MAD1L1: variants seen among roughly 807,000 people sequenced by gnomAD.
MAD1L1 encodes the protein mitotic spindle assembly checkpoint protein MAD1.
MAD1L1 carries 95 observed loss-of-function variants against 96.9 expected under a neutral mutation model. The observed-to-expected ratio is 0.98, with a 90% CI of 0.83 to 1.16. The LOEUF (loss-of-function observed/expected upper bound fraction) is 1.16, where lower values mean the gene tolerates loss of function less well. Ranked by LOEUF, MAD1L1 falls within the 50% of genes most tolerant of loss-of-function variation. MAD1L1 has a pLI of 0.00. For missense variants in MAD1L1, 1,007 were observed against 954.4 expected (o/e 1.06, Z -0.73); for synonymous variants, 473 against 396.6 (o/e 1.19, Z -2.29).
intron 18 of MAD1L1, among the ~76,000 whole-genome samples, chr7:1,875,379 C>T (rs1234574942): frequency 6.6e-6 from 1 of 152,220 alleles, no homozygotes. Context: ...TCGCCCTCCT[C>T]GACCCCAGAT....
chr7:1,848,318 G>A (rs574573679), intron 18 of MAD1L1: 1 of 161,228 alleles, frequency 6.2e-6, no homozygotes, highest in South Asian at 1.8e-4. Context: ...ACAGAAGTGT[G>A]GGTGGGCTGT....
chr7:1,920,982 AGAC>A lies in MAD1L1; in HGVS notation c.1807+15702_1807+15704del, dbSNP rs138554281. Among the ~76,000 whole-genome samples the A allele has an allele frequency of 2.5e-3, 375 of 152,356 alleles. 6 individuals carry two copies. In the East Asian group the frequency reaches 0.057, roughly 23 times the overall value. On this transcript the variant is annotated intron_variant, in intron 17 of 18. Coordinates refer to ENST00000265854, the MANE Select transcript of MAD1L1 (RefSeq NM_001013836.2). ...TGCAAAGCTCGGCTCTGAGCCCTGG[AGAC>A]GACGAGACAGGCAACCCAAAGAGAG...
At chr7:2,137,300 T>C (rs1489461883) in intron 11 of MAD1L1, among the ~76,000 whole-genome samples, 2 of 152,240 alleles carry the variant, frequency 1.3e-5, no homozygotes, top group Admixed American at 6.5e-5. Context: ...TACATTCTAC[T>C]ACCACCTTTT....
At chr7:1,822,285 G>A (rs1373419070) in intron 18 of MAD1L1, among the ~76,000 whole-genome samples, 2 of 151,820 alleles carry the variant, frequency 1.3e-5, no homozygotes, top group Non-Finnish European at 2.9e-5. Flanking sequence ...CAGAAAGTTA[G>A]GAAATACTGA....
intron 18 of MAD1L1, among the ~76,000 whole-genome samples, chr7:1,856,132 G>A (rs1409265573): frequency 2.0e-5 from 3 of 152,176 alleles, no homozygotes; most frequent in Non-Finnish European, 4.4e-5. Flanking sequence ...ATGGATTTTA[G>A]AGGGACACAG....
chr7:1,858,730 G>A (rs985538270), intron 18 of MAD1L1, among the ~76,000 whole-genome samples: 2 of 152,254 alleles, frequency 1.3e-5, no homozygotes, highest in Non-Finnish European at 2.9e-5. Context: ...AGGCCCACAG[G>A]AAAGCCACAG....
At chr7:2,010,075 T>G (rs988079576) in intron 13 of MAD1L1, among the ~76,000 whole-genome samples, 12 of 146,868 alleles carry the variant, frequency 8.2e-5, no homozygotes, top group African/African-American at 3.0e-4. Context: ...AACAGGTTTT[T>G]TTTTTTTTTT....
intron 10 of MAD1L1, among the ~76,000 whole-genome samples, chr7:2,187,625 A>G (rs1290007191): frequency 6.6e-6 from 1 of 152,224 alleles, no homozygotes; most frequent in Non-Finnish European, 1.5e-5. Context: ...TACTGGGCCC[A>G]GTTAAAATAT....
At chr7:2,231,462 C>A (rs1296455782) in intron 1 of MAD1L1, among the ~76,000 whole-genome samples, 1 of 151,948 alleles carries the variant, frequency 6.6e-6, no homozygotes, top group African/African-American at 2.4e-5. Flanking sequence ...TCTACTAAAG[C>A]CAGATGTGGT....
In MAD1L1 at chr7:1,885,803, T is replaced by C. The variant is rs748196145; in HGVS notation, c.1998+12397A>G. Among the ~76,000 whole-genome samples, 30 of 152,168 alleles carry C rather than the reference T, an allele frequency of 2.0e-4. 1 individual carries two copies. Among genetic ancestry groups the C allele is most frequent in the Middle Eastern group, 3.4e-3 (1 of 294 alleles). ...CTGTCTCGGCCCTTCCAGTCCTGTC[T>C]CTCTCCCTCCAGCCTGGCCCCTAGG... On this transcript the variant is annotated intron_variant, in intron 18 of 18. Transcript: ENST00000265854.
At chr7:2,129,850 C>T (rs1166250400) in intron 11 of MAD1L1, among the ~76,000 whole-genome samples, 2 of 152,238 alleles carry the variant, frequency 1.3e-5, no homozygotes, top group South Asian at 2.1e-4. Flanking sequence ...CCACCACCGT[C>T]GGAGGGGCAC....
At chr7:2,115,574 C>T (rs909052146) in intron 11 of MAD1L1, among the ~76,000 whole-genome samples, 3 of 149,600 alleles carry the variant, frequency 2.0e-5, no homozygotes, top group Non-Finnish European at 3.0e-5. Context: ...CCGTGTGTTC[C>T]GGGATCAGAG....
chr7:2,066,948 G>A (rs571766865), intron 12 of MAD1L1, among the ~76,000 whole-genome samples: 3 of 152,350 alleles, frequency 2.0e-5, no homozygotes, highest in South Asian at 2.1e-4. Flanking sequence ...GGTTCCCAAG[G>A]GATGAGCCTC....
At chr7:1,866,509 A>C (rs1351033799) in intron 18 of MAD1L1, among the ~76,000 whole-genome samples, 1 of 152,190 alleles carries the variant, frequency 6.6e-6, no homozygotes, top group Non-Finnish European at 1.5e-5. Flanking sequence ...TCTCTGGGGC[A>C]GAGACACGAG....
In MAD1L1 at chr7:2,103,530, T is replaced by G. The variant is rs4721405; in HGVS notation, c.1074-34192A>C. ...CGGGGCTCTCGACCACCGTGCTCTT[T>G]GTTGGGCGGGGCAACCGCAGATGGG... is the stretch of plus-strand genomic sequence containing the variant. On this transcript the variant is annotated intron_variant, in intron 11 of 18. Transcript: ENST00000265854. The surrounding 1 kb of genome is among the most constrained non-coding windows in gnomAD (Gnocchi z 4.3). Among the ~76,000 whole-genome samples the G allele has an allele frequency of 0.59, 89,907 of 152,008 alleles. 28,204 individuals carry two copies. Among genetic ancestry groups the G allele is most frequent in the East Asian group, 0.77 (3,958 of 5,136 alleles).
At chr7:2,073,758 T>C (rs1317305376) in intron 11 of MAD1L1, among the ~76,000 whole-genome samples, 1 of 152,140 alleles carries the variant, frequency 6.6e-6, no homozygotes, top group African/African-American at 2.4e-5. Context: ...GAAAAGCTCA[T>C]CCGCCAGGTT....
intron 11 of MAD1L1, among the ~76,000 whole-genome samples, chr7:2,128,996 G>T (rs1380229676): frequency 6.6e-6 from 1 of 152,356 alleles, no homozygotes; most frequent in African/African-American, 2.4e-5. Context: ...TGAGGAGATG[G>T]GGAGTGCTGC....
rs369439008 is a variant in MAD1L1, at chr7:1,875,746, C to T, written c.1998+22454G>A. ...CGTGTGCGAACATCTATGATGTAAC[C>T]GAGCGGGGCTGTGCAGAGCAACTGT... On this transcript the variant is annotated intron_variant, in intron 18 of 18. Transcript: ENST00000265854. 6.6e-5 allele frequency among the ~76,000 whole-genome samples: 10 copies of T among 152,318 alleles called. 1 individual carries two copies. Among genetic ancestry groups the T allele is most frequent in the South Asian group, 2.1e-4 (1 of 4,814 alleles).
intron 11 of MAD1L1, among the ~76,000 whole-genome samples, chr7:2,131,812 C>G (rs1295032239): frequency 6.6e-6 from 1 of 152,206 alleles, no homozygotes; most frequent in Non-Finnish European, 1.5e-5. Context: ...ATGTGACAGC[C>G]ATCGCACCTG....
Sources: gnomAD v4.1 joint callset for allele counts (sites outside exome capture counted in the v4.1 genomes callset) on GRCh38, gnomAD v4.1.1 for gene constraint, Gnocchi (gnomAD v3.1) non-coding constraint, MANE v1.5 for transcripts, NCBI Gene and HGNC (gene_info 2026-07-23, HGNC 2026-07-21) for gene names.